GPR139: variants seen among roughly 807,000 people sequenced by gnomAD.
GPR139 encodes G protein-coupled receptor 139.
Under a neutral mutation model 25.8 loss-of-function variants are expected in GPR139, and 12 were observed. The observed-to-expected ratio is 0.47, with a 90% CI of 0.30 to 0.75. The LOEUF is 0.75. Ranked by LOEUF, GPR139 falls within the 30% of genes least tolerant of loss-of-function variation. The pLI, the probability that GPR139 is intolerant of heterozygous loss-of-function variation, is 0.07. For missense variants in GPR139, 380 were observed against 450.2 expected (o/e 0.84, Z 1.41); for synonymous variants, 184 against 179.9 (o/e 1.02, Z -0.18).
At chr16:20,042,806 G>A (rs934057926) in intron 1 of GPR139, among the ~76,000 whole-genome samples, 3 of 151,870 alleles carry the variant, frequency 2.0e-5, no homozygotes, top group African/African-American at 7.3e-5. Flanking sequence ...AGCATTTTCT[G>A]TTTCTTTGTA....
intron 1 of GPR139, among the ~76,000 whole-genome samples, chr16:20,041,450 C>T (rs138270985): frequency 2.6e-5 from 4 of 151,608 alleles, no homozygotes; most frequent in East Asian, 4.0e-4. Context: ...TCAGCAATGC[C>T]GTTGTTTAGA....
At chr16:20,043,631 A>G (rs1432899242) in intron 1 of GPR139, among the ~76,000 whole-genome samples, 1 of 152,218 alleles carries the variant, frequency 6.6e-6, no homozygotes, top group African/African-American at 2.4e-5. Flanking sequence ...TTCATTTCAC[A>G]AATGAGGAAA....
intron 1 of GPR139, among the ~76,000 whole-genome samples, chr16:20,052,029 G>C (rs1012038977): frequency 6.6e-6 from 1 of 152,182 alleles, no homozygotes; most frequent in Non-Finnish European, 1.5e-5. Context: ...CCCTTTGCCA[G>C]TCTCCATCCC....
At position 20,032,101 on chromosome 16, in the gene GPR139, G is replaced by T. The variant is rs1457315315; in HGVS notation, c.696C>A (p.Thr232=). 1.9e-6 allele frequency: 3 copies of T among 1,614,192 alleles called. No homozygotes were observed. The South Asian group carries it at 3.3e-5, about 18-fold the overall frequency. ...STGKTTAILF[T]ITSIFATLWA... ...AAAGTGTGGCAAAGATGGAGGTAAT[G>T]GTGAACAAGATGGCGGTGGTCTTCC... The change falls in exon 2 of 2, where the codon ACC becomes ACA. Residue 232 remains threonine (T), a synonymous_variant. Transcript: ENST00000570682.
chr16:20,028,257 T>C lies in GPR139; in HGVS notation c.*3478A>G, dbSNP rs894136935. On this transcript the variant is annotated 3_prime_UTR_variant, in exon 2 of 2. Coordinates refer to ENST00000570682, the MANE Select transcript of GPR139 (RefSeq NM_001002911.4). ...TGACAGATGTGTTAATTTAGCTTGA[T>C]TTAATTATTCCACATTGTATACATA... Among the ~76,000 whole-genome samples the C allele has an allele frequency of 6.6e-6, 1 of 152,232 alleles. No individual in the cohort carries two copies. The highest frequency in any genetic ancestry group is 1.5e-5 in the Non-Finnish European group (1 of 68,038).
At chr16:20,070,513 C>T (rs114177382) in intron 1 of GPR139, among the ~76,000 whole-genome samples, 1 of 152,328 alleles carries the variant, frequency 6.6e-6, no homozygotes, top group African/African-American at 2.4e-5. Flanking sequence ...CGATCCTACA[C>T]CAACCAGTTA....
At chr16:20,063,008 A>G (rs1221757802) in intron 1 of GPR139, among the ~76,000 whole-genome samples, 1 of 152,246 alleles carries the variant, frequency 6.6e-6, no homozygotes, top group Non-Finnish European at 1.5e-5. Flanking sequence ...CACATACTCA[A>G]GTTGTTCCAA....
chr16:20,041,147 AG>A (rs2057329960), intron 1 of GPR139, among the ~76,000 whole-genome samples: 2 of 10,458 alleles, frequency 1.9e-4, no homozygotes, highest in Non-Finnish European at 1.4e-4. Context: ...AGAGGAGAGG[AG>A]ACGAGAGGGG....
In GPR139 at chr16:20,032,350, A is replaced by G. The variant is rs779166553; in HGVS notation, c.447T>C (p.Ile149=). The change falls in exon 2 of 2, where the codon ATT becomes ATC. Residue 149 remains isoleucine (I), a synonymous_variant. Coordinates refer to ENST00000570682, the MANE Select transcript of GPR139 (RefSeq NM_001002911.4). ...GGAAGCAGGTGATGTAAACACTTAC[A>G]ATGACTTTCCGGGTGCGGGCTGGGT... ...VSYPARTRKV[I]VSVYITCFLT... The G allele has an allele frequency of 6.2e-7, 1 of 1,614,198 alleles. No homozygotes were observed. Among genetic ancestry groups the G allele is most frequent in the Non-Finnish European group, 8.5e-7 (1 of 1,180,036 alleles).
chr16:20,033,622 A>G (rs1397550966), intron 1 of GPR139, among the ~76,000 whole-genome samples: 2 of 152,194 alleles, frequency 1.3e-5, no homozygotes, highest in Non-Finnish European at 2.9e-5. Context: ...TTGGAGGTGC[A>G]GAGAAGATCA....
chr16:20,050,000 T>C (rs949859960), intron 1 of GPR139, among the ~76,000 whole-genome samples: 2 of 152,180 alleles, frequency 1.3e-5, no homozygotes, highest in Non-Finnish European at 2.9e-5. Flanking sequence ...GACTCCCTAA[T>C]GTGTTCAGGC....
rs780592517 is a variant in GPR139 at position 20,032,039 on chromosome 16, T to C, written c.758A>G (p.Tyr253Cys). 6.2e-7 allele frequency: 1 copy of C among 1,614,062 alleles called. No individual in the cohort carries two copies. The highest frequency in any genetic ancestry group is 1.7e-5 in the Admixed American group (1 of 60,006). Residue 253 changes from tyrosine (Y) to cysteine (C), a missense_variant, in exon 2 of 2, where the codon TAT (tyrosine) becomes TGT (cysteine). Transcript: ENST00000570682. Reference sequence around the variant, plus strand: ...CCAGCGGTTCTGGATGGGCGCCCCATAGAGGTGGTAAAGAATCATGATGAT... The same window carrying C: ...CCAGCGGTTCTGGATGGGCGCCCCACAGAGGTGGTAAAGAATCATGATGAT... ...PRIIMILYHL[Y>C]GAPIQNRWLV... is the part of the protein sequence containing the mutation.
rs1392460750 is a variant in GPR139 at position 20,038,325 on chromosome 16, ATATATGTGTG to A, written c.128-5666_128-5657del. Among the ~76,000 whole-genome samples the A allele has an allele frequency of 1.9e-3, 95 of 48,936 alleles. 2 individuals are homozygous for A. The East Asian group carries it at 0.067, about 35-fold the overall frequency. 32.1% of individuals were successfully genotyped at this position (48,936 alleles called of 152,430 possible). A position where few individuals can be genotyped will look rare whatever the true frequency, so the allele number is the denominator to read the frequency against. On this transcript the variant is annotated intron_variant, in intron 1 of 1. Coordinates refer to ENST00000570682, the MANE Select transcript of GPR139 (RefSeq NM_001002911.4). ...ACAGGTTTAAGTTCCTGGATAATAT[ATATATGTGTG>A]TGTGTGTGTGTGTGTGTGTGTGTGT...
rs1404287761 is a variant in GPR139 at position 20,031,618 on chromosome 16, T to A, written c.*117A>T. 1.3e-6 allele frequency: 1 copy of A among 758,390 alleles called. No homozygotes were observed. Among genetic ancestry groups the A allele is most frequent in the East Asian group, 2.5e-5 (1 of 40,650 alleles). 47.0% of individuals were successfully genotyped at this position (758,390 alleles called of 1,614,324 possible). On this transcript the variant is annotated 3_prime_UTR_variant, in exon 2 of 2. Transcript: ENST00000570682. ...CTACCAGTCTGAGAATTGCCCAGTCTGCGGGAGACAGGAAATCGGATTAGC... is the reference window on the plus strand; with the variant it reads ...CTACCAGTCTGAGAATTGCCCAGTCAGCGGGAGACAGGAAATCGGATTAGC...
At position 20,029,330 on chromosome 16, in the gene GPR139, G is replaced by A. The variant is rs1030626935; in HGVS notation, c.*2405C>T. 6.6e-6 allele frequency among the ~76,000 whole-genome samples: 1 copy of A among 152,082 alleles called. No homozygotes were observed. The highest frequency in any genetic ancestry group is 1.5e-5 in the Non-Finnish European group (1 of 68,004). On this transcript the variant is annotated 3_prime_UTR_variant, in exon 2 of 2. Coordinates refer to ENST00000570682, the MANE Select transcript of GPR139 (RefSeq NM_001002911.4). ...TGTTACACACAATTAAAAATATGGA[G>A]CAGAGAGCATGGAGAGTCACATACA...
At chr16:20,049,604 T>C (rs2057365365) in intron 1 of GPR139, among the ~76,000 whole-genome samples, 1 of 152,238 alleles carries the variant, frequency 6.6e-6, no homozygotes, top group Admixed American at 6.5e-5. Flanking sequence ...CCCTATTGAA[T>C]GTGATTGACA....
At position 20,032,077 on chromosome 16, in the gene GPR139, A is replaced by T. The variant is rs200598879; in HGVS notation, c.720T>A (p.Leu240=). ...LFTITSIFAT[L]WAPRIIMILY... ...GAATCATGATGATGCGGGGGGCCCA[A>T]AGTGTGGCAAAGATGGAGGTAATGG... is the stretch of plus-strand genomic sequence containing the variant. Residue 240 remains leucine, a synonymous_variant, in exon 2 of 2, where the codon CTT becomes CTA. Coordinates refer to ENST00000570682, the MANE Select transcript of GPR139 (RefSeq NM_001002911.4). The T allele has an allele frequency of 2.5e-6, 4 of 1,614,178 alleles. No individual in the cohort carries two copies. The East Asian group carries it at 8.9e-5, about 36-fold the overall frequency.
Position 20,052,564 on chromosome 16 carries a change from G to A in GPR139, c.128-19895C>T, listed in dbSNP as rs187295176. ...TGTAATCCCAGCACTTTGGGAGGCC[G>A]AGGTGGGCGGATCACGAGGTCAGGA... On this transcript the variant is annotated intron_variant, in intron 1 of 1. Transcript: ENST00000570682. 7.8e-4 allele frequency among the ~76,000 whole-genome samples: 119 copies of A among 152,244 alleles called. 1 individual carries two copies. The East Asian group carries it at 0.014, about 18-fold the overall frequency.
intron 1 of GPR139, among the ~76,000 whole-genome samples, chr16:20,047,495 T>C (rs946442553): frequency 1.3e-5 from 2 of 152,218 alleles, no homozygotes; most frequent in Non-Finnish European, 2.9e-5. Flanking sequence ...TGACTTTGCA[T>C]CCTCTAGCTC....
Sources: gnomAD v4.1 joint callset for allele counts (sites outside exome capture counted in the v4.1 genomes callset) on GRCh38, gnomAD v4.1.1 for gene constraint, MANE v1.5 for transcripts, NCBI Gene and HGNC (gene_info 2026-07-23, HGNC 2026-07-21) for gene names.